SCN7A: variants seen among roughly 807,000 people sequenced by gnomAD.
The protein encoded by SCN7A is sodium voltage-gated channel alpha subunit 7.
SCN7A carries 138 observed loss-of-function variants against 155.2 expected under a neutral mutation model. That is an observed-to-expected ratio of 0.89 (90% CI 0.77 to 1.02). The LOEUF is 1.02. SCN7A is among the 50% of genes least tolerant of loss of function. The pLI is 0.00. For missense variants in SCN7A, 2,058 were observed against 1,986.6 expected (o/e 1.04, Z -0.68); for synonymous variants, 693 against 649.0 (o/e 1.07, Z -1.03).
chr2:166,429,213 T>TA lies in SCN7A; in HGVS notation c.2653_2654insT (p.Glu885ValfsTer8). ...TCTTTCACCTCCATAGAACATTTCT[T>TA]CTTCTTCAGAGATAGCAATATCAAC... On this transcript the variant is annotated frameshift_variant, in exon 17 of 26. Transcript: ENST00000643258. LOFTEE classifies it high-confidence loss of function. 6.5e-7 allele frequency: 1 copy of TA among 1,547,334 alleles called. No individual in the cohort carries two copies. Among genetic ancestry groups the TA allele is most frequent in the Non-Finnish European group, 8.7e-7 (1 of 1,144,940 alleles).
In SCN7A at chr2:166,432,477, GCTT is replaced by G; in HGVS notation, c.2430_2432del (p.Lys810_Ser811delinsAsn). On this transcript the variant is annotated inframe_deletion, in exon 16 of 26. Coordinates refer to ENST00000643258, the MANE Select transcript of SCN7A (RefSeq NM_002976.4). ...CAGTAGCGTTTTTCTCTGTGCCACT[GCTT>G]TTTTCCTTATCTTTGAGAAAATCTT... 6.2e-7 allele frequency: 1 copy of G among 1,613,606 alleles called. No individual in the cohort carries two copies. The highest frequency in any genetic ancestry group is 1.1e-5 in the South Asian group (1 of 91,064).
chr2:166,409,969 T>C, intron 24 of SCN7A, 34 bp from the exon 25 acceptor site: 2 of 1,494,998 alleles, frequency 1.3e-6, no homozygotes, highest in Non-Finnish European at 1.8e-6. Flanking sequence ...AATAGTCTTA[T>C]TAATAGGATA....
chr2:166,410,382 G>C (rs1394165431), intron 23 of SCN7A, 58 bp from the exon 24 acceptor site: 15 of 1,157,526 alleles, frequency 1.3e-5, no homozygotes, highest in African/African-American at 3.2e-5. Context: ...TTTCCCTTAT[G>C]TTAATAGGCA....
At chr2:166,412,382 C>T in intron 23 of SCN7A, 148 bp downstream of exon 23, 2 of 971,108 alleles carry the variant, frequency 2.1e-6, no homozygotes, top group South Asian at 3.5e-5. Context: ...TGTGCAGGAA[C>T]ATTAATCATG....
In SCN7A at chr2:166,432,456, A is replaced by G. The variant is rs369042860; in HGVS notation, c.2454T>C (p.Ala818=). The change falls in exon 16 of 26, where the codon GCT becomes GCC. Residue 818 remains alanine, a synonymous_variant. Transcript: ENST00000643258. ...KEKSSGTEKN[A]TENESQSLIP... Reference sequence around the variant, plus strand: ...TAAGTGATTGGCTCTCATTTTCAGTAGCGTTTTTCTCTGTGCCACTGCTTT... The same window carrying G: ...TAAGTGATTGGCTCTCATTTTCAGTGGCGTTTTTCTCTGTGCCACTGCTTT... 8.1e-6 allele frequency: 13 copies of G among 1,613,534 alleles called. No homozygotes were observed. Among genetic ancestry groups the G allele is most frequent in the Non-Finnish European group, 6.8e-6 (8 of 1,179,682 alleles).
chr2:166,473,917 A>G (rs1702718631), intron 4 of SCN7A, 29 bp from the exon 5 acceptor site: 2 of 1,150,168 alleles, frequency 1.7e-6, no homozygotes, highest in Non-Finnish European at 2.6e-6. Flanking sequence ...ATAATAGTTA[A>G]TAAATAATAT....
intron 21 of SCN7A, among the ~76,000 whole-genome samples, chr2:166,415,342 A>G (rs1049751859): frequency 2.7e-5 from 4 of 150,936 alleles, no homozygotes; most frequent in African/African-American, 9.7e-5. Flanking sequence ...CTCCTGCCTC[A>G]GCTTCCCAAG....
At chr2:166,446,385 G>C (rs533561216) in intron 12 of SCN7A, among the ~76,000 whole-genome samples, 3 of 152,260 alleles carry the variant, frequency 2.0e-5, no homozygotes, top group South Asian at 4.1e-4. Context: ...TGCAGGCAGG[G>C]ATGTGGAGAA....
chr2:166,447,472 G>T, intron 12 of SCN7A, 140 bp downstream of exon 12: 1 of 559,832 alleles, frequency 1.8e-6, no homozygotes. Flanking sequence ...TTTATACATG[G>T]TTTATCCTAA....
At chr2:166,429,663 T>A (rs1417446634) in intron 16 of SCN7A, among the ~76,000 whole-genome samples, 4 of 152,008 alleles carry the variant, frequency 2.6e-5, no homozygotes, top group Non-Finnish European at 5.9e-5. Context: ...TCAGAACAAA[T>A]CATCCCTTGA....
At chr2:166,465,167 C>T (rs1003648451) in intron 9 of SCN7A, among the ~76,000 whole-genome samples, 2 of 152,112 alleles carry the variant, frequency 1.3e-5, no homozygotes, top group Admixed American at 1.3e-4. Flanking sequence ...CAAAAAGGTA[C>T]CATCTATTGA....
intron 14 of SCN7A, 23 bp downstream of exon 14, chr2:166,443,480 G>GT (rs762459714): frequency 6.4e-7 from 1 of 1,558,556 alleles, no homozygotes; most frequent in Non-Finnish European, 8.7e-7. Flanking sequence ...TCAAATAAAA[G>GT]TTAGGTATTG....
intron 12 of SCN7A, among the ~76,000 whole-genome samples, chr2:166,447,361 C>A (rs1301974295): frequency 1.3e-5 from 2 of 152,100 alleles, no homozygotes; most frequent in Non-Finnish European, 2.9e-5. Flanking sequence ...TATTTAGTCA[C>A]AAGTTAATAT....
rs768565516 is a variant in SCN7A, at chr2:166,444,744, G to A, written c.1626+18C>T. Reference sequence around the variant, plus strand: ...CTAAGAAACTGCAAATGAAAATAATGTACAATGAGAGTCTTACCAGGTTTC... The same window carrying A: ...CTAAGAAACTGCAAATGAAAATAATATACAATGAGAGTCTTACCAGGTTTC... On this transcript the variant is annotated intron_variant, in intron 13 of 25. Coordinates refer to ENST00000643258, the MANE Select transcript of SCN7A (RefSeq NM_002976.4). 2.4e-5 allele frequency: 32 copies of A among 1,341,004 alleles called. No homozygotes were observed. The highest frequency in any genetic ancestry group is 2.5e-5 in the Non-Finnish European group (24 of 957,030). The allele number at this position is 1,341,004 out of a possible 1,614,324, so 83.1% of individuals were successfully genotyped here. A position where few individuals can be genotyped will look rare whatever the true frequency, so the allele number is the denominator to read the frequency against.
chr2:166,413,069 G>A lies in SCN7A; in HGVS notation c.3467C>T (p.Ala1156Val), dbSNP rs762917557. ...GCTTTAAAATGATATTATACTTACA[G>A]CAACAGAATCAATTGCTGAATTCAT... ...TIMNSAIDSV[A>V]VNIQPHFEVN... The change falls in exon 22 of 26, where the codon GCT becomes GTT. Residue 1156 changes from alanine to valine, a missense_variant and splice_region_variant. Transcript: ENST00000643258. 1 of 1,527,640 alleles carries A rather than the reference G, an allele frequency of 6.5e-7. No individual in the cohort carries two copies. Among genetic ancestry groups the A allele is most frequent in the Admixed American group, 2.2e-5 (1 of 44,908 alleles). 94.6% of individuals were successfully genotyped at this position (1,527,640 alleles called of 1,614,324 possible).
At chr2:166,467,210 T>C (rs1028468956) in intron 7 of SCN7A, among the ~76,000 whole-genome samples, 1 of 151,890 alleles carries the variant, frequency 6.6e-6, no homozygotes, top group African/African-American at 2.4e-5. Flanking sequence ...AACCAGACTA[T>C]AAGCCTTCAC....
At chr2:166,470,798 A>G in intron 6 of SCN7A, 92 bp from the exon 7 acceptor site, 1 of 1,077,348 alleles carries the variant, frequency 9.3e-7, no homozygotes, top group Non-Finnish European at 1.3e-6. Context: ...TATTTTTAAA[A>G]CCATATATGC....
At chr2:166,467,406 T>C (rs1702558632) in intron 7 of SCN7A, among the ~76,000 whole-genome samples, 1 of 151,458 alleles carries the variant, frequency 6.6e-6, no homozygotes, top group African/African-American at 2.4e-5. Flanking sequence ...ATTGTTTTGT[T>C]GGAAATGTTT....
rs776541150 is a variant in SCN7A at position 166,441,717 on chromosome 2, T to C, written c.1836A>G (p.Thr612=). The C allele has an allele frequency of 6.2e-7, 1 of 1,611,300 alleles. No individual in the cohort carries two copies. The highest frequency in any genetic ancestry group is 2.2e-5 in the East Asian group (1 of 44,852). The part of the protein sequence containing the change: ...RIFKLGKYWP[T]FQILMWSLSN... Reference sequence around the variant, plus strand: ...TAAGAGACCACATCAAAATCTGGAATGTTGGCCAATACTTTCCCAACTTGA... The same window carrying C: ...TAAGAGACCACATCAAAATCTGGAACGTTGGCCAATACTTTCCCAACTTGA... The change falls in exon 15 of 26, where the codon ACA becomes ACG. Residue 612 remains threonine, a synonymous_variant. Transcript: ENST00000643258.
Sources: allele counts gnomAD v4.1 joint callset (sites outside exome capture counted in the v4.1 genomes callset), GRCh38; gene constraint gnomAD v4.1.1; transcripts MANE v1.5; gene names NCBI Gene and HGNC (gene_info 2026-07-23, HGNC 2026-07-21).